The following CPPED1 variants were observed in gnomAD, a reference collection of about 807,000 sequenced individuals.
CPPED1 encodes the protein calcineurin like phosphoesterase domain containing 1, also known as serine/threonine-protein phosphatase CPPED1.
Under a neutral mutation model 28.0 loss-of-function variants are expected in CPPED1, and 28 were observed. That is an observed-to-expected ratio of 1.00 (90% CI 0.74 to 1.37). The LOEUF (loss-of-function observed/expected upper bound fraction) is 1.37. CPPED1 is among the 40% of genes most tolerant of loss of function. The probability of loss-of-function intolerance (pLI) is 0.00; values close to 1 mark genes in which losing one functional copy is unlikely to be tolerated. For synonymous variants in CPPED1, 198 were observed against 180.2 expected, an observed-to-expected ratio of 1.10 and a Z score of -0.79; for missense variants, 504 against 416.5, an observed-to-expected ratio of 1.21 and a Z score of -1.83.
At chr16:12,755,640 T>C (rs908538902) in intron 2 of CPPED1, among the ~76,000 whole-genome samples, 2 of 152,206 alleles carry the variant, frequency 1.3e-5, no homozygotes, top group Admixed American at 6.5e-5. Context: ...TTGTGATAGA[T>C]ATAAATACTT....
chr16:12,712,939 G>A (rs1225302376), intron 2 of CPPED1, among the ~76,000 whole-genome samples: 2 of 152,080 alleles, frequency 1.3e-5, no homozygotes, highest in African/African-American at 2.4e-5. Context: ...AATCACAGAT[G>A]CACTAAAATT....
chr16:12,664,788 C>A lies in CPPED1; in HGVS notation c.*98G>T. 1 of 1,549,602 alleles carries A rather than the reference C, an allele frequency of 6.5e-7. No individual in the cohort carries two copies. Among genetic ancestry groups the A allele is most frequent in the South Asian group, 1.2e-5 (1 of 80,936 alleles). ...ACATAAATTCACAAACCTGCCTGGG[C>A]TATTTTTATATTTCAGCAAGAGGTT... is the stretch of plus-strand genomic sequence containing the variant. On this transcript the variant is annotated 3_prime_UTR_variant, in exon 4 of 4. Transcript: ENST00000381774. The surrounding 1 kb of genome is among the most constrained non-coding windows in gnomAD (Gnocchi z 4.2).
intron 3 of CPPED1, among the ~76,000 whole-genome samples, chr16:12,680,639 G>A (rs2079899864): frequency 6.6e-6 from 1 of 152,152 alleles, no homozygotes; most frequent in Admixed American, 6.5e-5. Context: ...GGTCTTGGGG[G>A]AGAAGCCCAA....
intron 3 of CPPED1, among the ~76,000 whole-genome samples, chr16:12,695,073 C>T (rs2141180923): frequency 6.6e-6 from 1 of 152,284 alleles, no homozygotes; most frequent in African/African-American, 2.4e-5. Context: ...CCACCACACT[C>T]AGCCTAAAAA....
At chr16:12,755,566 AAC>A (rs113276054) in intron 2 of CPPED1, among the ~76,000 whole-genome samples, 6,395 of 152,198 alleles carry the variant, frequency 0.042, 460 homozygotes, top group African/African-American at 0.15. Flanking sequence ...TACAGGCATG[AAC>A]TACCACACCC....
At chr16:12,763,849 A>G (rs2080423689) in intron 2 of CPPED1, among the ~76,000 whole-genome samples, 1 of 152,174 alleles carries the variant, frequency 6.6e-6, no homozygotes, top group Non-Finnish European at 1.5e-5. Context: ...AACTGGTGCC[A>G]AAGTAATTGC....
In CPPED1 at chr16:12,735,354, T is replaced by C. The variant is rs146900493; in HGVS notation, c.290-30305A>G. On this transcript the variant is annotated intron_variant, in intron 2 of 3. Coordinates refer to ENST00000381774, the MANE Select transcript of CPPED1 (RefSeq NM_018340.3). ...TTGCCCAGGCTAGAGCACAGTGGCA[T>C]GATCTCGGCTCACTGCAAACTCCAC... is the stretch of plus-strand genomic sequence containing the variant. Among the ~76,000 whole-genome samples the C allele has an allele frequency of 5.4e-4, 83 of 152,346 alleles. No individual in the cohort carries two copies. The East Asian group carries it at 0.015, about 28-fold the overall frequency.
At chr16:12,680,281 T>C (rs929191458) in intron 3 of CPPED1, among the ~76,000 whole-genome samples, 3 of 152,194 alleles carry the variant, frequency 2.0e-5, no homozygotes, top group Non-Finnish European at 4.4e-5. Flanking sequence ...ATTGTATGGC[T>C]CTCAAGTTCA....
chr16:12,781,855 G>A (rs1056519737), intron 1 of CPPED1, among the ~76,000 whole-genome samples: 6 of 152,080 alleles, frequency 3.9e-5, no homozygotes, highest in Admixed American at 1.3e-4. Context: ...CATTTCCACC[G>A]TTTCGGGGGA....
At chr16:12,696,168 G>A (rs2079989073) in intron 3 of CPPED1, among the ~76,000 whole-genome samples, 1 of 151,716 alleles carries the variant, frequency 6.6e-6, no homozygotes, top group African/African-American at 2.4e-5. Context: ...TTTGAACAGA[G>A]TTGATCATTA....
chr16:12,743,696 G>T (rs928468482), intron 2 of CPPED1, among the ~76,000 whole-genome samples: 1 of 152,172 alleles, frequency 6.6e-6, no homozygotes, highest in Non-Finnish European at 1.5e-5. Context: ...AAATCCACGT[G>T]CTCAGAAAAC....
At chr16:12,728,183 G>A (rs1326703175) in intron 2 of CPPED1, among the ~76,000 whole-genome samples, 1 of 151,926 alleles carries the variant, frequency 6.6e-6, no homozygotes, top group Admixed American at 6.6e-5. Flanking sequence ...AAACCTAACT[G>A]CTATTTATAC....
chr16:12,749,539 C>A (rs1004759694), intron 2 of CPPED1, among the ~76,000 whole-genome samples: 1 of 152,164 alleles, frequency 6.6e-6, no homozygotes, highest in African/African-American at 2.4e-5. Flanking sequence ...TCGACTTCTT[C>A]CAAACTCCTG....
At chr16:12,674,831 T>C (rs1034933414) in intron 3 of CPPED1, among the ~76,000 whole-genome samples, 2 of 152,258 alleles carry the variant, frequency 1.3e-5, no homozygotes, top group East Asian at 3.9e-4. Context: ...TGGCATTTCC[T>C]CTTTTGTACC....
chr16:12,751,091 G>A (rs2080325323), intron 2 of CPPED1, among the ~76,000 whole-genome samples: 1 of 151,648 alleles, frequency 6.6e-6, no homozygotes, highest in Admixed American at 6.6e-5. Context: ...GTACAATCAA[G>A]AGAAGCCCAA....
intron 2 of CPPED1, among the ~76,000 whole-genome samples, chr16:12,734,273 T>C (rs2080215271): frequency 6.6e-6 from 1 of 152,096 alleles, no homozygotes; most frequent in African/African-American, 2.4e-5. Flanking sequence ...CTTTGCGATG[T>C]TGGCCAGCCT....
At chr16:12,667,560 C>T (rs2079832309) in intron 3 of CPPED1, among the ~76,000 whole-genome samples, 1 of 152,092 alleles carries the variant, frequency 6.6e-6, no homozygotes, top group Non-Finnish European at 1.5e-5. Context: ...ATGAGATCAG[C>T]CTGGGCAATG....
At chr16:12,743,693 C>T (rs1022658374) in intron 2 of CPPED1, among the ~76,000 whole-genome samples, 4 of 152,142 alleles carry the variant, frequency 2.6e-5, no homozygotes, top group Admixed American at 6.6e-5. Flanking sequence ...TGGAAATCCA[C>T]GTGCTCAGAA....
chr16:12,794,669 A>G (rs113371300), intron 1 of CPPED1, among the ~76,000 whole-genome samples: 3,430 of 152,290 alleles, frequency 0.023, 87 homozygotes, highest in African/African-American at 0.064. Context: ...AATGCTTTTG[A>G]GCATGACCTT....
Sources: gnomAD v4.1 joint callset for allele counts (sites outside exome capture counted in the v4.1 genomes callset) on GRCh38, gnomAD v4.1.1 for gene constraint, Gnocchi (gnomAD v3.1) non-coding constraint, MANE v1.5 for transcripts, NCBI Gene and HGNC (gene_info 2026-07-23, HGNC 2026-07-21) for gene names.